The following SPATA1 variants were observed in gnomAD, a reference collection of about 807,000 sequenced individuals.
SPATA1 encodes spermatogenesis associated 1.
Under a neutral mutation model 59.6 loss-of-function variants are expected in SPATA1, and 57 were observed. The observed-to-expected ratio is 0.96, with a 90% confidence interval of 0.77 to 1.19. SPATA1 has a LOEUF of 1.19. Among genes scored for constraint, SPATA1 ranks in the 50% most tolerant of loss-of-function variants. The pLI, the probability that SPATA1 is intolerant of heterozygous loss-of-function variation, is 0.00. For synonymous variants in SPATA1, 147 were observed against 163.9 expected, an observed-to-expected ratio of 0.90 and a Z score of 0.79; for missense variants, 448 against 480.7, an observed-to-expected ratio of 0.93 and a Z score of 0.64.
chr1:84,520,034 A>G (rs74998084), intron 2 of SPATA1: 1,882 of 152,360 alleles, frequency 0.012, 24 homozygotes, highest in Non-Finnish European at 0.02. Context: ...ATAGAAGCAT[A>G]GACATGCCCA....
intron 1 of SPATA1, among the ~76,000 whole-genome samples, chr1:84,510,557 G>A (rs1682492618): frequency 6.6e-6 from 1 of 152,200 alleles, no homozygotes; most frequent in Admixed American, 6.5e-5. Context: ...TACACTGTTG[G>A]TGAGAATGTA....
chr1:84,550,234 A>G, intron 11 of SPATA1, 198 bp from the exon 12 acceptor site: 1 of 350,800 alleles, frequency 2.9e-6, no homozygotes, highest in Non-Finnish European at 5.2e-6. Flanking sequence ...AACTTTAGAG[A>G]AAGTGTTCCC....
chr1:84,539,201 C>T (rs77954391), intron 8 of SPATA1, among the ~76,000 whole-genome samples: 9,241 of 152,232 alleles, frequency 0.061, 450 homozygotes, highest in African/African-American at 0.13. Flanking sequence ...AGGAGAATCA[C>T]GGCTCTAAGC....
At chr1:84,516,349 C>T (rs1410476141) in exon 2 of SPATA1, 15 of 1,524,336 alleles carry the variant, frequency 9.8e-6, no homozygotes, top group Non-Finnish European at 1.2e-5. Flanking sequence ...CCCATTCAGA[C>T]ATTAGTGAAT....
At chr1:84,553,058 T>G in exon 13 of SPATA1, 1 of 1,531,568 alleles carries the variant, frequency 6.5e-7, no homozygotes, top group South Asian at 1.3e-5. Context: ...CAGTTTCAGA[T>G]TTACGAACAT....
chr1:84,556,710 C>CAA (rs11417377), downstream of SPATA1, among the ~76,000 whole-genome samples: 7,876 of 93,244 alleles, frequency 0.084, 618 homozygotes, highest in African/African-American at 0.18. Flanking sequence ...GACTCCGTCT[C>CAA]AAAAAAAAAA....
At chr1:84,523,825 T>C (rs1683118448) in intron 4 of SPATA1, among the ~76,000 whole-genome samples, 1 of 152,104 alleles carries the variant, frequency 6.6e-6, no homozygotes, top group Non-Finnish European at 1.5e-5. Context: ...TTTGTTCTTT[T>C]CATGGTATGT....
chr1:84,535,290 A>G (rs914496339), intron 8 of SPATA1, among the ~76,000 whole-genome samples: 6 of 151,480 alleles, frequency 4.0e-5, no homozygotes, highest in Non-Finnish European at 8.8e-5. Context: ...TTCCAAGTCA[A>G]TTTTTTTTCA....
intron 6 of SPATA1, among the ~76,000 whole-genome samples, chr1:84,526,867 CAAAA>C (rs761804155): frequency 6.6e-5 from 4 of 60,586 alleles, no homozygotes; most frequent in Non-Finnish European, 1.5e-4. Context: ...GACTTTGTCT[CAAAA>C]AAAAAAAAAA....
chr1:84,554,321 G>A (rs1475792704), exon 13 of SPATA1: 2 of 152,016 alleles, frequency 1.3e-5, no homozygotes, highest in African/African-American at 4.8e-5. Flanking sequence ...AATGTAGTTG[G>A]AAAATATTAG....
At chr1:84,534,235 C>T (rs754745955) in intron 8 of SPATA1, among the ~76,000 whole-genome samples, 1 of 152,028 alleles carries the variant, frequency 6.6e-6, no homozygotes, top group Non-Finnish European at 1.5e-5. Flanking sequence ...TTAATGAACA[C>T]TATTCACATT....
At chr1:84,555,108 C>A, downstream of SPATA1, 5 of 1,613,856 alleles carry the variant, frequency 3.1e-6, no homozygotes, top group Non-Finnish European at 4.2e-6. Flanking sequence ...CATGCCAATG[C>A]CCCGTAAGCG....
chr1:84,535,159 T>G (rs147961900), intron 8 of SPATA1, among the ~76,000 whole-genome samples: 1 of 152,296 alleles, frequency 6.6e-6, no homozygotes, highest in Non-Finnish European at 1.5e-5. Context: ...CTCTATAAGA[T>G]CTAGGACAAC....
At chr1:84,524,333 C>T (rs1386744689) in intron 4 of SPATA1, among the ~76,000 whole-genome samples, 2 of 152,010 alleles carry the variant, frequency 1.3e-5, no homozygotes, top group Admixed American at 6.6e-5. Flanking sequence ...GTTGTAAAGT[C>T]GTTTGTTGAA....
chr1:84,532,927 A>G, exon 7 of SPATA1: 1 of 1,552,324 alleles, frequency 6.4e-7, no homozygotes, highest in Non-Finnish European at 8.7e-7. Context: ...CTGAGTTGCC[A>G]GGATCATTGG....
intron 8 of SPATA1, among the ~76,000 whole-genome samples, chr1:84,542,403 T>A (rs1030878450): frequency 6.6e-6 from 1 of 152,138 alleles, no homozygotes; most frequent in Non-Finnish European, 1.5e-5. Flanking sequence ...CAAAGCATTT[T>A]CTTCTCTCCC....
At chr1:84,564,711 T>A (rs531404610) in intron 4 of SPATA1, among the ~76,000 whole-genome samples, 63 of 152,186 alleles carry the variant, frequency 4.1e-4, no homozygotes, top group Non-Finnish European at 8.7e-4. Flanking sequence ...CAATTAATAA[T>A]TACTTCGTAA....
At chr1:84,532,802 T>C in intron 6 of SPATA1, 58 bp from the exon 7 acceptor site, 1 of 1,213,072 alleles carries the variant, frequency 8.2e-7, no homozygotes, top group South Asian at 1.3e-5. Context: ...CAAACGTTTA[T>C]TTTACTATTT....
downstream of SPATA1, among the ~76,000 whole-genome samples, chr1:84,556,742 G>C (rs1684443990): frequency 6.6e-6 from 1 of 150,732 alleles, no homozygotes; most frequent in African/African-American, 2.4e-5. Flanking sequence ...CACTTTGAAG[G>C]AAAATAATTC....
Sources: gnomAD v4.1 joint callset for allele counts (sites outside exome capture counted in the v4.1 genomes callset) on GRCh38, gnomAD v4.1.1 for gene constraint, MANE v1.5 for transcripts, NCBI Gene and HGNC (gene_info 2026-07-23, HGNC 2026-07-21) for gene names.